The following GOLM1 variants were observed in gnomAD, a reference collection of about 807,000 sequenced individuals.
The protein encoded by GOLM1 is golgi membrane protein 1.
GOLM1 carries 31 observed loss-of-function variants against 50.5 expected under a neutral mutation model. The observed-to-expected ratio is 0.61, with a 90% CI of 0.46 to 0.83. The LOEUF (loss-of-function observed/expected upper bound fraction) is 0.83. Among genes scored for constraint, GOLM1 ranks in the 40% least tolerant of loss-of-function variants. The pLI is 0.00. For missense variants in GOLM1, 491 were observed against 501.3 expected, an observed-to-expected ratio of 0.98 and a Z score of 0.20; for synonymous variants, 178 against 192.8, an observed-to-expected ratio of 0.92 and a Z score of 0.64.
intron 1 of GOLM1, among the ~76,000 whole-genome samples, chr9:86,098,301 G>A (rs1835413591): frequency 6.6e-6 from 1 of 152,156 alleles, no homozygotes. Flanking sequence ...GAAGAAGCTA[G>A]GATGCCTTTG....
In GOLM1 at chr9:86,077,478, A is replaced by G; in HGVS notation, c.243T>C (p.Leu81=). The part of the protein sequence containing the change: ...QGELEKQREQ[L]DKIQSSHNFQ... ...AGTTGTGGCTGGACTGGATTTTGTC[A>G]AGCTGCTCCCGCTGCTTCTCCAGCT... The change falls in exon 3 of 10, where the codon CTT becomes CTC. Residue 81 remains leucine (L), a synonymous_variant. Coordinates refer to ENST00000388712, the MANE Select transcript of GOLM1 (RefSeq NM_016548.4). 1 of 1,614,088 alleles carries G rather than the reference A, an allele frequency of 6.2e-7. No homozygotes were observed. Among genetic ancestry groups the G allele is most frequent in the Non-Finnish European group, 8.5e-7 (1 of 1,179,946 alleles).
chr9:86,073,419 T>A (rs2118833187), intron 3 of GOLM1, among the ~76,000 whole-genome samples: 1 of 152,264 alleles, frequency 6.6e-6, no homozygotes, highest in Admixed American at 6.5e-5. Context: ...ACAACTTCCA[T>A]AACAAATAAG....
intron 1 of GOLM1, chr9:86,079,862 T>TA (rs1834737007): frequency 1.3e-5 from 2 of 152,246 alleles, no homozygotes; most frequent in Non-Finnish European, 2.9e-5. Context: ...AGGTTTTTTT[T>TA]ACCCTTGACA....
chr9:86,030,623 G>T (rs1212239540), intron 9 of GOLM1, among the ~76,000 whole-genome samples: 1 of 152,032 alleles, frequency 6.6e-6, no homozygotes, highest in Non-Finnish European at 1.5e-5. Flanking sequence ...ACACTAAAGA[G>T]GTCTGACAAT....
chr9:86,091,893 T>C (rs1043536113), intron 1 of GOLM1, among the ~76,000 whole-genome samples: 4 of 152,238 alleles, frequency 2.6e-5, no homozygotes, highest in Non-Finnish European at 5.9e-5. Flanking sequence ...AAAAATTTAT[T>C]GAGCAGCTAC....
intron 1 of GOLM1, among the ~76,000 whole-genome samples, chr9:86,090,263 C>A (rs1178468054): frequency 6.6e-6 from 1 of 152,146 alleles, no homozygotes; most frequent in Admixed American, 6.5e-5. Flanking sequence ...CCCTAGCAGA[C>A]TTTGAGTGTT....
chr9:86,036,308 T>C, intron 7 of GOLM1, 40 bp downstream of exon 7: 1 of 1,609,602 alleles, frequency 6.2e-7, no homozygotes, highest in Non-Finnish European at 8.5e-7. Context: ...GATGGGGCTC[T>C]GGAGAGCTGG....
intron 1 of GOLM1, among the ~76,000 whole-genome samples, chr9:86,087,842 A>G (rs1182879430): frequency 1.3e-5 from 2 of 152,216 alleles, no homozygotes; most frequent in Non-Finnish European, 2.9e-5. Flanking sequence ...TTGGTTTGCC[A>G]GTATTTTATT....
At chr9:86,094,167 T>C (rs1396438685) in intron 1 of GOLM1, among the ~76,000 whole-genome samples, 1 of 96,758 alleles carries the variant, frequency 1.0e-5, no homozygotes, top group Non-Finnish European at 1.8e-5. Context: ...GGGCCTGGTT[T>C]TTTTTTTTTT....
chr9:86,042,120 A>G (rs1833375902), intron 5 of GOLM1, among the ~76,000 whole-genome samples: 1 of 152,232 alleles, frequency 6.6e-6, no homozygotes, highest in African/African-American at 2.4e-5. Flanking sequence ...CCGTCTCAAA[A>G]AAAACAAAAC....
chr9:86,099,728 C>T (rs1196028603), upstream of GOLM1, among the ~76,000 whole-genome samples: 1 of 151,864 alleles, frequency 6.6e-6, no homozygotes, highest in African/African-American at 2.4e-5. Context: ...GGAGCAGGAA[C>T]GCCAGCGTGC....
chr9:86,028,079 A>C (rs1291998534), intron 9 of GOLM1, among the ~76,000 whole-genome samples, 186 bp from the exon 10 acceptor site: 3 of 151,714 alleles, frequency 2.0e-5, no homozygotes, highest in Non-Finnish European at 4.4e-5. Flanking sequence ...TGGGAGGGGG[A>C]CAGGGAAGTG....
chr9:86,072,295 G>A (rs1328750845), intron 3 of GOLM1, among the ~76,000 whole-genome samples: 2 of 152,156 alleles, frequency 1.3e-5, no homozygotes, highest in African/African-American at 2.4e-5. Flanking sequence ...TGAGGGGCAC[G>A]CAGGTGTGAG....
intron 3 of GOLM1, among the ~76,000 whole-genome samples, 191 bp from the exon 4 acceptor site, chr9:86,052,782 G>T (rs967031439): frequency 6.6e-6 from 1 of 151,960 alleles, no homozygotes; most frequent in Non-Finnish European, 1.5e-5. Context: ...CTAGAGATCC[G>T]CTCCCCACCA....
At chr9:86,031,233 C>T (rs1418355377) in intron 9 of GOLM1, among the ~76,000 whole-genome samples, 1 of 151,582 alleles carries the variant, frequency 6.6e-6, no homozygotes, top group African/African-American at 2.4e-5. Flanking sequence ...AAAAGGGCAT[C>T]GGCAGGATCA....
chr9:86,036,568 GA>G lies in GOLM1; in HGVS notation c.598-62del. ...GGCTCTGTGAACAGAAGCCGTAAAA[GA>G]ATCCTACCAATGCAATGAATCCCAC... is the stretch of plus-strand genomic sequence containing the variant. On this transcript the variant is annotated intron_variant, in intron 6 of 9. Transcript: ENST00000388712. 4 of 1,559,992 alleles carry G rather than the reference GA, an allele frequency of 2.6e-6. No homozygotes were observed. The South Asian group carries it at 4.5e-5, about 18-fold the overall frequency.
intron 4 of GOLM1, among the ~76,000 whole-genome samples, chr9:86,051,320 C>T (rs1356065428): frequency 6.6e-6 from 1 of 152,140 alleles, no homozygotes; most frequent in African/African-American, 2.4e-5. Context: ...CGATGTGGTG[C>T]TGAGAAGAAT....
At chr9:86,047,836 A>G (rs919474554) in intron 4 of GOLM1, among the ~76,000 whole-genome samples, 6 of 152,140 alleles carry the variant, frequency 3.9e-5, no homozygotes, top group African/African-American at 9.7e-5. Flanking sequence ...GCAAAAAATG[A>G]TAACAGATGG....
intron 3 of GOLM1, among the ~76,000 whole-genome samples, chr9:86,070,056 T>C (rs1371223829): frequency 6.6e-6 from 1 of 151,950 alleles, no homozygotes; most frequent in Non-Finnish European, 1.5e-5. Context: ...GATAATTTTT[T>C]GTATTTTTGG....
Sources: gnomAD v4.1 joint callset for allele counts (sites outside exome capture counted in the v4.1 genomes callset) on GRCh38, gnomAD v4.1.1 for gene constraint, MANE v1.5 for transcripts, NCBI Gene and HGNC (gene_info 2026-07-23, HGNC 2026-07-21) for gene names.